The following NCKAP5 variants were observed in gnomAD, a reference collection of about 807,000 sequenced individuals.
NCKAP5 encodes nck-associated protein 5.
Under a neutral mutation model 167.0 loss-of-function variants are expected in NCKAP5, and 92 were observed. That is an observed-to-expected ratio of 0.55 (90% CI 0.47 to 0.66). The LOEUF (loss-of-function observed/expected upper bound fraction) is 0.66. Among genes scored for constraint, NCKAP5 ranks in the 30% least tolerant of loss-of-function variants. The probability of loss-of-function intolerance (pLI) is 0.00; values close to 1 mark genes in which losing one functional copy is unlikely to be tolerated. For missense variants in NCKAP5, 2,378 were observed against 2,315.0 expected (o/e 1.03, Z -0.56); for synonymous variants, 891 against 877.4 (o/e 1.02, Z -0.27).
Position 132,920,687 on chromosome 2 carries a change from TTA to T in NCKAP5, c.580-41773_580-41772del, listed in dbSNP as rs1211443990. Among the ~76,000 whole-genome samples the T allele has an allele frequency of 3.1e-4, 30 of 97,766 alleles. No homozygotes were observed. The East Asian group carries it at 3.1e-3, about 10-fold the overall frequency. The allele number at this position is 97,766 out of a possible 152,430, so 64.1% of individuals were successfully genotyped here. ...TATATATATATATATATAAGTTAGT[TTA>T]TATATATATATACGTATATGTATAT... On this transcript the variant is annotated intron_variant, in intron 8 of 19. Coordinates refer to ENST00000409261, the MANE Select transcript of NCKAP5 (RefSeq NM_207363.3).
intron 3 of NCKAP5, among the ~76,000 whole-genome samples, chr2:133,427,479 A>G (rs1269304478): frequency 1.3e-5 from 2 of 152,192 alleles, no homozygotes; most frequent in Admixed American, 1.3e-4. Flanking sequence ...ATTCCCATAT[A>G]ATTTAATTTG....
At chr2:133,169,832 A>G (rs1462644549) in intron 5 of NCKAP5, among the ~76,000 whole-genome samples, 1 of 152,160 alleles carries the variant, frequency 6.6e-6, no homozygotes, top group East Asian at 1.9e-4. Flanking sequence ...TTGAGGTGAT[A>G]GCAAATACTC....
At chr2:132,773,542 T>C (rs1682274978) in intron 16 of NCKAP5, among the ~76,000 whole-genome samples, 1 of 152,244 alleles carries the variant, frequency 6.6e-6, no homozygotes, top group African/African-American at 2.4e-5. Flanking sequence ...AGAAACTGGA[T>C]TACTCAGTAT....
chr2:133,034,305 CCAGA>C (rs2078973560), intron 6 of NCKAP5, among the ~76,000 whole-genome samples: 1 of 152,010 alleles, frequency 6.6e-6, no homozygotes, highest in African/African-American at 2.4e-5. Context: ...AAAGATGTTC[CCAGA>C]CAAACAAATG....
At chr2:133,594,210 T>C in the NCKAP5 span, among the ~76,000 whole-genome samples, 915 of 152,334 alleles carry the variant, frequency 6.0e-3, 7 homozygotes, top group Non-Finnish European at 9.1e-3. Flanking sequence ...GATGGCTTGA[T>C]GGTTAGGTGG....
At position 133,347,325 on chromosome 2, in the gene NCKAP5, G is replaced by A. The variant is rs536511742; in HGVS notation, c.70-44215C>T. ...TCCCAGCACTTTGGGAGGCCAAGGCGGGCAGATCACCTGAGGTTGGAAGTT... is the reference window on the plus strand; with the variant it reads ...TCCCAGCACTTTGGGAGGCCAAGGCAGGCAGATCACCTGAGGTTGGAAGTT... On this transcript the variant is annotated intron_variant, in intron 3 of 19. Transcript: ENST00000409261. Among the ~76,000 whole-genome samples, 8 of 152,048 alleles carry A rather than the reference G, an allele frequency of 5.3e-5. No homozygotes were observed. In the East Asian group the frequency reaches 5.8e-4, roughly 11 times the overall value.
chr2:133,054,692 CAA>C (rs2079732287), intron 6 of NCKAP5, among the ~76,000 whole-genome samples: 1 of 152,080 alleles, frequency 6.6e-6, no homozygotes, highest in Non-Finnish European at 1.5e-5. Context: ...CTAAAAAGTG[CAA>C]AGAGGAAATT....
At chr2:133,620,064 T>G in the NCKAP5 span, among the ~76,000 whole-genome samples, 1 of 151,936 alleles carries the variant, frequency 6.6e-6, no homozygotes, top group African/African-American at 2.4e-5. Flanking sequence ...GGGAATTTGC[T>G]ACTACCAAGC....
At chr2:133,010,074 A>AG (rs1220474528) in intron 6 of NCKAP5, among the ~76,000 whole-genome samples, 1 of 125,534 alleles carries the variant, frequency 8.0e-6, no homozygotes, top group African/African-American at 2.8e-5. Flanking sequence ...CTGTCTCAAA[A>AG]AAAAAAAATA....
At chr2:133,388,589 C>G (rs1232929492) in intron 3 of NCKAP5, among the ~76,000 whole-genome samples, 1 of 152,188 alleles carries the variant, frequency 6.6e-6, no homozygotes, top group Non-Finnish European at 1.5e-5. Flanking sequence ...TTTAAGTCTG[C>G]AGGATTTGTG....
At chr2:132,724,788 A>T (rs1201281597) in intron 19 of NCKAP5, among the ~76,000 whole-genome samples, 1 of 152,144 alleles carries the variant, frequency 6.6e-6, no homozygotes, top group Non-Finnish European at 1.5e-5. Context: ...AGCTCTTCTT[A>T]CATGCTACTC....
At chr2:133,373,185 G>T (rs1003101566) in intron 3 of NCKAP5, among the ~76,000 whole-genome samples, 1 of 152,002 alleles carries the variant, frequency 6.6e-6, no homozygotes, top group African/African-American at 2.4e-5. Context: ...TCAGCCCCCC[G>T]AGTAGCTGGA....
At position 132,852,161 on chromosome 2, in the gene NCKAP5, A is replaced by C. The variant is rs549938430; in HGVS notation, c.807+8331T>G. On this transcript the variant is annotated intron_variant, in intron 11 of 19. Transcript: ENST00000409261. ...GTAGTGCTTAATAACAATTTTTACT[A>C]GGGGAGTTTTTAGGTTACTATGATA... 2.0e-5 allele frequency among the ~76,000 whole-genome samples: 3 copies of C among 152,314 alleles called. No individual in the cohort carries two copies. In the South Asian group the frequency reaches 6.2e-4, roughly 32 times the overall value.
intron 8 of NCKAP5, among the ~76,000 whole-genome samples, chr2:132,920,965 T>A (rs1266267338): frequency 6.6e-6 from 1 of 150,962 alleles, no homozygotes; most frequent in Non-Finnish European, 1.5e-5. Context: ...CATTTAGGCC[T>A]TAATGTATGG....
intron 4 of NCKAP5, among the ~76,000 whole-genome samples, chr2:133,263,919 T>C (rs2089047155): frequency 6.6e-6 from 1 of 152,214 alleles, no homozygotes; most frequent in Non-Finnish European, 1.5e-5. Context: ...CAAGAATGCT[T>C]TGTAGCTAAA....
chr2:133,315,903 A>G (rs1319569542), intron 3 of NCKAP5, among the ~76,000 whole-genome samples: 1 of 152,142 alleles, frequency 6.6e-6, no homozygotes, highest in Non-Finnish European at 1.5e-5. Context: ...ACAAGTAAGA[A>G]CAAAGCTTTT....
intron 11 of NCKAP5, among the ~76,000 whole-genome samples, chr2:132,848,251 T>A (rs1227338569): frequency 6.6e-6 from 1 of 152,200 alleles, no homozygotes; most frequent in Non-Finnish European, 1.5e-5. Flanking sequence ...AGCGAGTTAT[T>A]TTTTTCCTTT....
At chr2:133,597,673 CAAAAAAA>C in the NCKAP5 span, among the ~76,000 whole-genome samples, 43 of 61,104 alleles carry the variant, frequency 7.0e-4, no homozygotes, top group African/African-American at 2.5e-3. Flanking sequence ...GACTCTGTCT[CAAAAAAA>C]AAAAAAAAAA....
At chr2:132,700,102 G>C (rs1022470245) in intron 19 of NCKAP5, among the ~76,000 whole-genome samples, 2 of 149,840 alleles carry the variant, frequency 1.3e-5, no homozygotes, top group African/African-American at 5.1e-5. Flanking sequence ...ATTTTTTCAT[G>C]TGTCTGTTGG....
Sources: allele counts gnomAD v4.1 joint callset (sites outside exome capture counted in the v4.1 genomes callset), GRCh38; gene constraint gnomAD v4.1.1; transcripts MANE v1.5; gene names NCBI Gene and HGNC (gene_info 2026-07-23, HGNC 2026-07-21).